ZMPSTE24: variants seen among roughly 807,000 people sequenced by gnomAD.
ZMPSTE24 encodes zinc metallopeptidase STE24.
ZMPSTE24 carries 48 observed loss-of-function variants against 56.7 expected under a neutral mutation model. The observed-to-expected ratio is 0.85, with a 90% CI of 0.67 to 1.08. The LOEUF (loss-of-function observed/expected upper bound fraction) is 1.08. Ranked by LOEUF, ZMPSTE24 falls within the 50% of genes least tolerant of loss-of-function variation. The probability of loss-of-function intolerance (pLI) is 0.00; values close to 1 mark genes in which losing one functional copy is unlikely to be tolerated. For synonymous variants in ZMPSTE24, 172 were observed against 195.2 expected (o/e 0.88, Z 0.99); for missense variants, 503 against 548.7 (o/e 0.92, Z 0.83).
chr1:40,291,015 AAAT>A lies in ZMPSTE24; in HGVS notation c.1203+19_1203+21del, dbSNP rs757362189. 1 of 1,613,128 alleles carries A rather than the reference AAAT, an allele frequency of 6.2e-7. No homozygotes were observed. Among genetic ancestry groups the A allele is most frequent in the South Asian group, 1.1e-5 (1 of 90,998 alleles). On this transcript the variant is annotated intron_variant, in intron 9 of 9. Transcript: ENST00000372759. ...ACAATGAGGTAATGTATGATCTTTA[AAAT>A]TATCACACATATGCTCTTGCCTGCT...
intron 7 of ZMPSTE24, 133 bp downstream of exon 7, chr1:40,281,660 T>TACCAGAAC: frequency 1.1e-6 from 1 of 930,008 alleles, no homozygotes; most frequent in Non-Finnish European, 1.7e-6. Flanking sequence ...CATGGCTCCT[T>TACCAGAAC]TATAGTTCTG....
At chr1:40,278,769 AT>A (rs1377401236) in intron 6 of ZMPSTE24, among the ~76,000 whole-genome samples, 1 of 152,140 alleles carries the variant, frequency 6.6e-6, no homozygotes, top group Non-Finnish European at 1.5e-5. Context: ...CTCACTGCAC[AT>A]TGTAGGACAT....
At chr1:40,264,877 CA>C (rs35889679) in intron 2 of ZMPSTE24, among the ~76,000 whole-genome samples, 7,417 of 53,306 alleles carry the variant, frequency 0.14, 112 homozygotes, top group East Asian at 0.23. Flanking sequence ...GATCCTGTCT[CA>C]AAAAAAAAAA....
intron 1 of ZMPSTE24, among the ~76,000 whole-genome samples, 196 bp from the exon 2 acceptor site, chr1:40,260,643 C>G (rs1053721856): frequency 6.6e-6 from 1 of 152,194 alleles, no homozygotes; most frequent in Non-Finnish European, 1.5e-5. Flanking sequence ...AGTCAGGTCA[C>G]CTCAGGTTCT....
chr1:40,291,609 A>G (rs1643844826), intron 9 of ZMPSTE24, among the ~76,000 whole-genome samples: 1 of 152,214 alleles, frequency 6.6e-6, no homozygotes, highest in Non-Finnish European at 1.5e-5. Flanking sequence ...AAGGCTTCCA[A>G]ATTAAGCTAA....
intron 2 of ZMPSTE24, chr1:40,262,784 G>A: frequency 8.6e-7 from 1 of 1,169,342 alleles, no homozygotes; most frequent in Non-Finnish European, 1.1e-6. Flanking sequence ...ATGTCTGACG[G>A]CTGAGTTTTG....
At chr1:40,267,319 AATATT>A (rs1463399172) in intron 2 of ZMPSTE24, among the ~76,000 whole-genome samples, 1 of 147,922 alleles carries the variant, frequency 6.8e-6, no homozygotes, top group East Asian at 2.0e-4. Context: ...TTTTTAAAAA[AATATT>A]TTATTTTGTT....
chr1:40,292,371 G>T, intron 9 of ZMPSTE24, 74 bp from the exon 10 acceptor site: 1 of 1,445,996 alleles, frequency 6.9e-7, no homozygotes, highest in South Asian at 1.2e-5. Context: ...CTTCTCTACA[G>T]TCTCAGCTCA....
Position 40,270,123 on chromosome 1 carries a change from C to G in ZMPSTE24, c.623C>G (p.Ser208Cys). The change falls in exon 5 of 10, where the codon TCT (serine) becomes TGT (cysteine). Residue 208 changes from serine (S) to cysteine (C), a missense_variant. Transcript: ENST00000372759. ...GCCTGGCTGTTCACATTAGTTGTGT[C>G]TCTGGTGAGTAAAATCTTTATTTCG... ...IYAWLFTLVV[S>C]LVLVTIYADY... 6.2e-7 allele frequency: 1 copy of G among 1,613,838 alleles called. No individual in the cohort carries two copies. The highest frequency in any genetic ancestry group is 8.5e-7 in the Non-Finnish European group (1 of 1,179,902).
chr1:40,261,481 T>C (rs988908647), intron 2 of ZMPSTE24, among the ~76,000 whole-genome samples: 1 of 151,848 alleles, frequency 6.6e-6, no homozygotes, highest in Non-Finnish European at 1.5e-5. Context: ...TCCCGAGTAG[T>C]TGGGACTACA....
At chr1:40,271,534 A>G (rs1252861553) in intron 5 of ZMPSTE24, among the ~76,000 whole-genome samples, 1 of 152,224 alleles carries the variant, frequency 6.6e-6, no homozygotes, top group African/African-American at 2.4e-5. Flanking sequence ...GATTACGCTA[A>G]AAGGTAGAAC....
At position 40,260,845 on chromosome 1, in the gene ZMPSTE24, A is replaced by C; in HGVS notation, c.130A>C (p.Ile44Leu). ...ETFLAQRQRR[I>L]YKTTTHVPPE... ...TTTCTTTAAAATATTTCAGAGAAGGATATATAAAACAACAACTCATGTACC... is the reference window on the plus strand; with the variant it reads ...TTTCTTTAAAATATTTCAGAGAAGGCTATATAAAACAACAACTCATGTACC... The change falls in exon 2 of 10, where the codon ATA becomes CTA. Residue 44 changes from isoleucine (I) to leucine (L), a missense_variant. Ile to Leu is a conservative substitution (Grantham distance 5). Transcript: ENST00000372759. The C allele has an allele frequency of 6.2e-7, 1 of 1,613,694 alleles. No homozygotes were observed. The highest frequency in any genetic ancestry group is 1.3e-5 in the African/African-American group (1 of 75,066).
At chr1:40,281,274 C>T in intron 6 of ZMPSTE24, 69 bp from the exon 7 acceptor site, 1 of 1,419,992 alleles carries the variant, frequency 7.0e-7, no homozygotes, top group African/African-American at 1.4e-5. Context: ...AATTCAATTT[C>T]TAGGAGTCTC....
chr1:40,282,832 C>G (rs1378186157), intron 7 of ZMPSTE24, among the ~76,000 whole-genome samples: 1 of 152,190 alleles, frequency 6.6e-6, no homozygotes, highest in Non-Finnish European at 1.5e-5. Flanking sequence ...CAAATTGTAA[C>G]AACAAAAATG....
At chr1:40,279,868 G>A (rs868642081) in intron 6 of ZMPSTE24, among the ~76,000 whole-genome samples, 1 of 152,132 alleles carries the variant, frequency 6.6e-6, no homozygotes, top group Admixed American at 6.6e-5. Flanking sequence ...ACCAAACAGT[G>A]ACCATGACCT....
chr1:40,283,198 A>C (rs576093206), intron 7 of ZMPSTE24, among the ~76,000 whole-genome samples: 1 of 152,298 alleles, frequency 6.6e-6, no homozygotes, highest in Non-Finnish European at 1.5e-5. Flanking sequence ...GAATCATGCA[A>C]GTTTAGAAAG....
At chr1:40,286,789 G>A (rs1328554168) in intron 8 of ZMPSTE24, among the ~76,000 whole-genome samples, 5 of 148,242 alleles carry the variant, frequency 3.4e-5, no homozygotes, top group African/African-American at 7.5e-5. Context: ...GTGCAATGGC[G>A]TGATCTCGGC....
At chr1:40,286,820 C>T (rs1414510679) in intron 8 of ZMPSTE24, among the ~76,000 whole-genome samples, 2 of 151,484 alleles carry the variant, frequency 1.3e-5, no homozygotes, top group Admixed American at 6.6e-5. Context: ...CTCTGCCTCC[C>T]GGGTTCAAGC....
intron 2 of ZMPSTE24, among the ~76,000 whole-genome samples, chr1:40,264,335 AAAAT>A (rs1249692781): frequency 1.3e-5 from 2 of 152,116 alleles, no homozygotes; most frequent in African/African-American, 4.8e-5. Flanking sequence ...CTCCATCTCA[AAAAT>A]AAATAAAAAT....
Sources: gnomAD v4.1 joint callset for allele counts (sites outside exome capture counted in the v4.1 genomes callset) on GRCh38, gnomAD v4.1.1 for gene constraint, MANE v1.5 for transcripts, NCBI Gene and HGNC (gene_info 2026-07-23, HGNC 2026-07-21) for gene names.